The following SYT1 variants were observed in gnomAD, a reference collection of about 807,000 sequenced individuals.
The protein encoded by SYT1 is synaptotagmin-1.
A neutral mutation model predicts 44.8 loss-of-function variants in SYT1; 8 were observed. The observed-to-expected ratio is 0.18, with a 90% CI of 0.10 to 0.32. The LOEUF (loss-of-function observed/expected upper bound fraction) is 0.32. SYT1 is among the 10% of genes least tolerant of loss of function. The probability of loss-of-function intolerance (pLI) is 1.00; values close to 1 mark genes in which losing one functional copy is unlikely to be tolerated. For missense variants in SYT1, 286 were observed against 509.3 expected (o/e 0.56, Z 4.22); for synonymous variants, 154 against 188.8 (o/e 0.82, Z 1.51).
chr12:79,061,402 A>C (rs1447234199), intron 3 of SYT1, among the ~76,000 whole-genome samples: 1 of 152,104 alleles, frequency 6.6e-6, no homozygotes, highest in East Asian at 1.9e-4. Flanking sequence ...CATTTTACAA[A>C]TGAGGAAGGA....
At chr12:78,892,543 A>C (rs1034937748) in intron 1 of SYT1, among the ~76,000 whole-genome samples, 5 of 151,732 alleles carry the variant, frequency 3.3e-5, no homozygotes, top group African/African-American at 4.8e-5. Context: ...CACATTTTAA[A>C]ATAGGAGCCG....
At chr12:79,421,239 T>C (rs1214555154) in intron 9 of SYT1, among the ~76,000 whole-genome samples, 1 of 152,182 alleles carries the variant, frequency 6.6e-6, no homozygotes, top group Non-Finnish European at 1.5e-5. Context: ...GTTTTGGAAT[T>C]GATTGCTATT....
intron 3 of SYT1, among the ~76,000 whole-genome samples, chr12:79,061,684 A>G (rs1360113847): frequency 6.6e-6 from 1 of 152,178 alleles, no homozygotes; most frequent in African/African-American, 2.4e-5. Context: ...ATAGCTTAAC[A>G]GTGCCTGAAA....
At chr12:78,951,898 T>G (rs1878987633) in intron 1 of SYT1, among the ~76,000 whole-genome samples, 1 of 152,118 alleles carries the variant, frequency 6.6e-6, no homozygotes, top group African/African-American at 2.4e-5. Flanking sequence ...CACTTCTGTC[T>G]GTTCTAATGA....
intron 3 of SYT1, among the ~76,000 whole-genome samples, chr12:79,212,657 A>C (rs975477114): frequency 1.3e-5 from 2 of 152,168 alleles, no homozygotes; most frequent in African/African-American, 2.4e-5. Context: ...AAACTAAATG[A>C]CTGTGTCTCT....
intron 3 of SYT1, among the ~76,000 whole-genome samples, chr12:79,069,779 CTT>C (rs986483953): frequency 6.6e-6 from 1 of 151,930 alleles, no homozygotes; most frequent in Non-Finnish European, 1.5e-5. Flanking sequence ...TTGTGTTACT[CTT>C]TTTATTTTAA....
intron 4 of SYT1, among the ~76,000 whole-genome samples, chr12:79,220,010 A>G (rs1875058102): frequency 6.6e-6 from 1 of 152,068 alleles, no homozygotes; most frequent in African/African-American, 2.4e-5. Context: ...AAACGGTATT[A>G]GTTCTTCAAA....
At chr12:79,349,047 A>AAGAAAG (rs1882763369) in intron 8 of SYT1, among the ~76,000 whole-genome samples, 1 of 143,266 alleles carries the variant, frequency 7.0e-6, no homozygotes, top group African/African-American at 2.7e-5. Context: ...GAAAGAAAGA[A>AAGAAAG]AGAAAGAAAG....
rs544803159 is a variant in SYT1, at chr12:78,925,370, C to T, written c.-216-52429C>T. Among the ~76,000 whole-genome samples the T allele has an allele frequency of 4.9e-4, 74 of 152,046 alleles. 1 individual carries two copies. The highest frequency in any genetic ancestry group is 3.4e-3 in the Middle Eastern group (1 of 294). On this transcript the variant is annotated intron_variant, in intron 1 of 10. Coordinates refer to ENST00000261205, the MANE Select transcript of SYT1 (RefSeq NM_005639.3). ...ATATTTGTTCAGAGTTGTCTTCAGA[C>T]TCAGAGTACATAGTTCTAATAGTCA...
rs1448069451 is a variant in SYT1 at position 79,040,933 on chromosome 12, T to C, written c.-83-6364T>C. On this transcript the variant is annotated intron_variant, in intron 2 of 10. Transcript: ENST00000261205. The stretch of plus-strand genomic sequence containing the variant: ...AGGTTTGTCAAAGATCAGATAGTTG[T>C]AGATATGCGGCGTTATTTCTGAGGG... Among the ~76,000 whole-genome samples, 602 of 151,400 alleles carry C rather than the reference T, an allele frequency of 4.0e-3. 2 individuals are homozygous for C. Among genetic ancestry groups the C allele is most frequent in the Middle Eastern group, 0.01 (3 of 288 alleles).
At chr12:79,321,069 A>T (rs1350855791) in intron 8 of SYT1, among the ~76,000 whole-genome samples, 3 of 152,188 alleles carry the variant, frequency 2.0e-5, no homozygotes, top group Non-Finnish European at 4.4e-5. Flanking sequence ...GAGGAAAAAC[A>T]ATGGACAAAC....
chr12:79,440,028 C>A (rs898874055), intron 9 of SYT1, among the ~76,000 whole-genome samples: 2 of 152,066 alleles, frequency 1.3e-5, no homozygotes, highest in African/African-American at 4.8e-5. Context: ...GAGCTCAAGA[C>A]CAGCCTGGCC....
At chr12:79,383,656 T>C (rs1031872554) in intron 9 of SYT1, among the ~76,000 whole-genome samples, 2 of 152,190 alleles carry the variant, frequency 1.3e-5, no homozygotes, top group Non-Finnish European at 2.9e-5. Context: ...AGATCAGAAT[T>C]TAATTAGATT....
At chr12:78,992,989 C>T (rs80060656) in intron 2 of SYT1, among the ~76,000 whole-genome samples, 208 of 152,274 alleles carry the variant, frequency 1.4e-3, no homozygotes, top group African/African-American at 4.8e-3. Flanking sequence ...CTATATGTTT[C>T]CTCTACAAAC....
Position 79,040,571 on chromosome 12 carries a change from G to T in SYT1, c.-83-6726G>T, listed in dbSNP as rs546600318. Among the ~76,000 whole-genome samples the T allele has an allele frequency of 7.2e-5, 11 of 152,078 alleles. No homozygotes were observed. In the East Asian group the frequency reaches 2.1e-3, roughly 29 times the overall value. On this transcript the variant is annotated intron_variant, in intron 2 of 10. Transcript: ENST00000261205. ...GCAAAAATTTTCTCCCATTTTGTAG[G>T]TTGCCTGTTCACTCTGATGGTAGTT...
chr12:78,911,934 T>G (rs776736751), intron 1 of SYT1, among the ~76,000 whole-genome samples: 1 of 152,034 alleles, frequency 6.6e-6, no homozygotes, highest in Non-Finnish European at 1.5e-5. Context: ...CAATAGTACC[T>G]AAAAATTTGT....
intron 9 of SYT1, among the ~76,000 whole-genome samples, chr12:79,403,331 T>TA (rs1418848401): frequency 6.6e-6 from 1 of 152,092 alleles, no homozygotes; most frequent in African/African-American, 2.4e-5. Context: ...CATTCAATTT[T>TA]AGAGTTTGGC....
intron 2 of SYT1, among the ~76,000 whole-genome samples, chr12:78,978,456 G>T (rs1869007675): frequency 6.6e-6 from 1 of 152,182 alleles, no homozygotes; most frequent in African/African-American, 2.4e-5. Flanking sequence ...TAATTCAACA[G>T]TGAAGTACAT....
Position 78,995,303 on chromosome 12 carries a change from C to T in SYT1, c.-84+17372C>T, listed in dbSNP as rs551698607. ...AAGTGTCTATATCCACTTTTAGAAA[C>T]CCATTGTGGTGATTCATTGGCTACC... On this transcript the variant is annotated intron_variant, in intron 2 of 10. Transcript: ENST00000261205. 4.6e-5 allele frequency among the ~76,000 whole-genome samples: 7 copies of T among 152,276 alleles called. No homozygotes were observed. In the South Asian group the frequency reaches 8.3e-4, roughly 18 times the overall value.
Sources: gnomAD v4.1 joint callset for allele counts (sites outside exome capture counted in the v4.1 genomes callset) on GRCh38, gnomAD v4.1.1 for gene constraint, MANE v1.5 for transcripts, NCBI Gene and HGNC (gene_info 2026-07-23, HGNC 2026-07-21) for gene names.